The following ADAM12 variants were observed in gnomAD, a reference collection of about 807,000 sequenced individuals.
ADAM12 encodes the protein ADAM metallopeptidase domain 12.
A neutral mutation model predicts 106.4 loss-of-function variants in ADAM12; 70 were observed. That is an observed-to-expected ratio of 0.66 (90% CI 0.54 to 0.80). The LOEUF (loss-of-function observed/expected upper bound fraction) is 0.80. Ranked by LOEUF, ADAM12 falls within the 30% of genes least tolerant of loss-of-function variation. The probability of loss-of-function intolerance (pLI) is 0.00; values close to 1 mark genes in which losing one functional copy is unlikely to be tolerated. For synonymous variants in ADAM12, 420 were observed against 433.5 expected (o/e 0.97, Z 0.39); for missense variants, 1,010 against 1,171.9 (o/e 0.86, Z 2.02).
At chr10:126,343,893 T>C (rs1855035120) in intron 1 of ADAM12, among the ~76,000 whole-genome samples, 1 of 152,228 alleles carries the variant, frequency 6.6e-6, no homozygotes, top group Admixed American at 6.5e-5. Flanking sequence ...TCTTGTAAAT[T>C]TGAATTCTTT....
intron 6 of ADAM12, among the ~76,000 whole-genome samples, chr10:126,117,022 A>G (rs1955996462): frequency 6.6e-6 from 1 of 152,240 alleles, no homozygotes; most frequent in African/African-American, 2.4e-5. Flanking sequence ...GGACAGTCAA[A>G]TATAAGCACA....
intron 2 of ADAM12, among the ~76,000 whole-genome samples, chr10:126,305,387 T>C (rs1235223460): frequency 1.3e-5 from 2 of 152,066 alleles, no homozygotes; most frequent in Non-Finnish European, 2.9e-5. Context: ...CATGATTTCG[T>C]ACATATGAGT....
chr10:126,366,704 T>C (rs750348201), intron 1 of ADAM12, among the ~76,000 whole-genome samples: 1 of 151,992 alleles, frequency 6.6e-6, no homozygotes, highest in African/African-American at 2.4e-5. Context: ...ATAGATATAC[T>C]GAAAATTTTA....
intron 2 of ADAM12, among the ~76,000 whole-genome samples, chr10:126,302,246 T>A (rs1338536149): frequency 6.6e-6 from 1 of 152,210 alleles, no homozygotes; most frequent in Admixed American, 6.5e-5. Context: ...ATTCTGCAAG[T>A]TAAGCCTTCA....
intron 19 of ADAM12, among the ~76,000 whole-genome samples, chr10:126,039,025 T>C (rs1954110042): frequency 7.2e-6 from 1 of 139,562 alleles, no homozygotes; most frequent in African/African-American, 2.7e-5. Flanking sequence ...AGTGGAGTGA[T>C]CGCAACTCAC....
chr10:126,160,884 G>C (rs1186383382), intron 3 of ADAM12, among the ~76,000 whole-genome samples: 1 of 152,180 alleles, frequency 6.6e-6, no homozygotes, highest in Non-Finnish European at 1.5e-5. Context: ...CTCTCCCTCT[G>C]AGGGCCATTG....
At chr10:126,317,323 G>T (rs561301895) in intron 2 of ADAM12, among the ~76,000 whole-genome samples, 1 of 152,194 alleles carries the variant, frequency 6.6e-6, no homozygotes, top group Non-Finnish European at 1.5e-5. Context: ...CAGTAGCTCT[G>T]TGCTCTCACC....
chr10:126,369,954 T>C (rs1472202288), intron 1 of ADAM12, among the ~76,000 whole-genome samples: 1 of 152,184 alleles, frequency 6.6e-6, no homozygotes, highest in East Asian at 1.9e-4. Context: ...TTCTGTCTTA[T>C]TTGCAGATTA....
chr10:126,033,136 C>T (rs773255018), intron 21 of ADAM12, among the ~76,000 whole-genome samples: 10 of 152,148 alleles, frequency 6.6e-5, no homozygotes, highest in Admixed American at 3.3e-4. Context: ...CTTGAGCTGG[C>T]TGGTACTGGC....
chr10:126,270,930 G>A (rs986817025), intron 3 of ADAM12, among the ~76,000 whole-genome samples: 13 of 152,284 alleles, frequency 8.5e-5, no homozygotes, highest in African/African-American at 2.9e-4. Context: ...TTTAGATACC[G>A]TCAGGGCCAC....
chr10:126,036,348 C>T lies in ADAM12; in HGVS notation c.2350-23G>A, dbSNP rs1028882976. 13 of 1,562,296 alleles carry T rather than the reference C, an allele frequency of 8.3e-6. No individual in the cohort carries two copies. In the East Asian group the frequency reaches 2.2e-4, roughly 27 times the overall value. On this transcript the variant is annotated intron_variant, in intron 20 of 22. Transcript: ENST00000448723. ...GTCCTGTACAGTCAAAGTAAAAAGC[C>T]ATGCTATAGCGGGTTTCAAAAATAT... is the stretch of plus-strand genomic sequence containing the variant.
chr10:126,184,752 C>T (rs1406405030), intron 3 of ADAM12, among the ~76,000 whole-genome samples: 2 of 152,162 alleles, frequency 1.3e-5, no homozygotes, highest in African/African-American at 4.8e-5. Flanking sequence ...AAATGAACCC[C>T]AGCACACAGC....
At chr10:126,069,027 G>A (rs1462561092) in intron 12 of ADAM12, among the ~76,000 whole-genome samples, 1 of 152,258 alleles carries the variant, frequency 6.6e-6, no homozygotes, top group South Asian at 2.1e-4. Context: ...CCCTGATGTC[G>A]TAACACACTG....
At chr10:126,364,805 T>C (rs57338987) in intron 1 of ADAM12, among the ~76,000 whole-genome samples, 6,178 of 152,226 alleles carry the variant, frequency 0.041, 428 homozygotes, top group African/African-American at 0.14. Flanking sequence ...ATTAAGAATT[T>C]AAAGAGAACC....
chr10:126,332,254 C>A (rs1009473418), intron 1 of ADAM12, among the ~76,000 whole-genome samples: 5 of 152,322 alleles, frequency 3.3e-5, no homozygotes, highest in Admixed American at 2.6e-4. Flanking sequence ...AAGCCAGCAG[C>A]CCCAAAGTGA....
At chr10:126,326,852 C>T (rs1854321509) in intron 2 of ADAM12, among the ~76,000 whole-genome samples, 1 of 152,170 alleles carries the variant, frequency 6.6e-6, no homozygotes. Flanking sequence ...TCATTTAGGT[C>T]ACCTTCAGAT....
chr10:126,182,905 C>T (rs1234178160), intron 3 of ADAM12, among the ~76,000 whole-genome samples: 1 of 152,258 alleles, frequency 6.6e-6, no homozygotes, highest in South Asian at 2.1e-4. Context: ...GGGCCACAGA[C>T]CGATACCTGT....
intron 11 of ADAM12, among the ~76,000 whole-genome samples, chr10:126,075,824 A>G (rs1435808730): frequency 6.6e-6 from 1 of 152,206 alleles, no homozygotes; most frequent in Admixed American, 6.5e-5. Flanking sequence ...AGATAGGTCA[A>G]GGTCATGCTG....
chr10:126,018,039 A>G (rs1179869195), intron 22 of ADAM12, among the ~76,000 whole-genome samples: 1 of 152,234 alleles, frequency 6.6e-6, no homozygotes, highest in Non-Finnish European at 1.5e-5. Context: ...ATTTTTCTCT[A>G]TTTATGAAGT....
Sources: allele counts gnomAD v4.1 joint callset (sites outside exome capture counted in the v4.1 genomes callset), GRCh38; gene constraint gnomAD v4.1.1; transcripts MANE v1.5; gene names NCBI Gene and HGNC (gene_info 2026-07-23, HGNC 2026-07-21).